Variants in MICU3 observed in about 807,000 individuals in gnomAD.
MICU3 encodes the protein mitochondrial calcium uptake 3, also known as calcium uptake protein 3, mitochondrial.
In MICU3, 62 loss-of-function variants were observed where a neutral mutation model predicts 66.5. The ratio of observed to expected loss-of-function variants is 0.93; its 90% CI spans 0.76 to 1.15. The LOEUF (loss-of-function observed/expected upper bound fraction) is 1.15. Ranked by LOEUF, MICU3 falls within the 50% of genes most tolerant of loss-of-function variation. The probability of loss-of-function intolerance (pLI) is 0.00; values close to 1 mark genes in which losing one functional copy is unlikely to be tolerated. For missense variants in MICU3, 779 were observed against 664.4 expected, an observed-to-expected ratio of 1.17 and a Z score of -1.90; for synonymous variants, 308 against 240.7, an observed-to-expected ratio of 1.28 and a Z score of -2.59.
At chr8:17,127,341 T>A (rs188108314), downstream of MICU3, among the ~76,000 whole-genome samples, 59 of 152,316 alleles carry the variant, frequency 3.9e-4, no homozygotes, top group Middle Eastern at 6.8e-3. Context: ...AAGAATCTTT[T>A]GAAATCAGAT....
chr8:17,033,477 C>CCA (rs1812431882), intron 1 of MICU3, among the ~76,000 whole-genome samples: 2 of 152,016 alleles, frequency 1.3e-5, no homozygotes, highest in South Asian at 4.2e-4. Flanking sequence ...GCTCTGTCGC[C>CCA]CAGGCTGGAG....
At chr8:17,046,463 T>C (rs1815110133) in intron 1 of MICU3, among the ~76,000 whole-genome samples, 1 of 152,220 alleles carries the variant, frequency 6.6e-6, no homozygotes. Context: ...ATTTTGGTTT[T>C]GGTAATATAG....
intron 3 of MICU3, among the ~76,000 whole-genome samples, chr8:17,076,527 C>A (rs1820413098): frequency 6.6e-6 from 1 of 152,064 alleles, no homozygotes; most frequent in African/African-American, 2.4e-5. Context: ...ATGAAAAACA[C>A]AAACACAAGA....
At chr8:17,130,296 G>A in the MICU3 span, among the ~76,000 whole-genome samples, 42,968 of 152,004 alleles carry the variant, frequency 0.28, 6,587 homozygotes, top group South Asian at 0.43. Flanking sequence ...GGACTGAGGC[G>A]GTGGGTCGCC....
At chr8:17,084,676 A>G (rs1351720516) in intron 5 of MICU3, among the ~76,000 whole-genome samples, 1 of 152,124 alleles carries the variant, frequency 6.6e-6, no homozygotes, top group Non-Finnish European at 1.5e-5. Flanking sequence ...ACTTCATAGT[A>G]TGTGAAAGTC....
At position 17,063,745 on chromosome 8, in the gene MICU3, G is replaced by A. The variant is rs201948463; in HGVS notation, c.382-339G>A. ...AGTACATAGTAGGCATTCAGCAAGC[G>A]CTGGTGTTCCTTCTAAAAGTACCAC... is the stretch of plus-strand genomic sequence containing the variant. On this transcript the variant is annotated intron_variant, in intron 1 of 14. Transcript: ENST00000318063. Among the ~76,000 whole-genome samples, 44 of 152,128 alleles carry A rather than the reference G, an allele frequency of 2.9e-4. No individual in the cohort carries two copies. In the East Asian group the frequency reaches 7.3e-3, roughly 25 times the overall value.
At chr8:17,067,561 C>G (rs1818911767) in intron 2 of MICU3, among the ~76,000 whole-genome samples, 1 of 152,036 alleles carries the variant, frequency 6.6e-6, no homozygotes, top group Admixed American at 6.6e-5. Flanking sequence ...TCCTGAATAG[C>G]TGGGATTACG....
In MICU3 at chr8:17,082,010, C is replaced by G. The variant is rs112713533; in HGVS notation, c.694+270C>G. On this transcript the variant is annotated intron_variant, in intron 5 of 14. Transcript: ENST00000318063. ...TGTGGTTTTAATCTACCTCAGACTC[C>G]AAAGGTCATGACATGTAATAATTTA... 1,087 of 272,130 alleles carry G rather than the reference C, an allele frequency of 4.0e-3. 15 individuals carry two copies. Among genetic ancestry groups the G allele is most frequent in the African/African-American group, 0.023 (1,004 of 43,314 alleles). The allele number at this position is 272,130 out of a possible 1,614,324, so 16.9% of individuals were successfully genotyped here. A position where few individuals can be genotyped will look rare whatever the true frequency, so the allele number is the denominator to read the frequency against.
In MICU3 at chr8:17,105,727, C is replaced by T. The variant is rs575649053; in HGVS notation, c.1257+143C>T. Reference sequence around the variant, plus strand: ...TGTTTCATTCTGTGTCCTAAATGCTCTGGCTACACTTTTAAAAATAAATTA... The same window carrying T: ...TGTTTCATTCTGTGTCCTAAATGCTTTGGCTACACTTTTAAAAATAAATTA... On this transcript the variant is annotated intron_variant, in intron 11 of 14. Transcript: ENST00000318063. The T allele has an allele frequency of 2.5e-5, 11 of 436,514 alleles. 1 individual carries two copies. The South Asian group carries it at 7.5e-4, about 30-fold the overall frequency. The allele number at this position is 436,514 out of a possible 1,614,324, so 27.0% of individuals were successfully genotyped here. A position where few individuals can be genotyped will look rare whatever the true frequency, so the allele number is the denominator to read the frequency against.
intron 1 of MICU3, among the ~76,000 whole-genome samples, chr8:17,046,024 A>G (rs1488217465): frequency 1.3e-5 from 2 of 152,218 alleles, no homozygotes; most frequent in Non-Finnish European, 2.9e-5. Context: ...CTTCATCTGT[A>G]TGCTTTGCAG....
chr8:17,095,209 C>G (rs1221923143), intron 8 of MICU3, among the ~76,000 whole-genome samples: 1 of 151,956 alleles, frequency 6.6e-6, no homozygotes, highest in African/African-American at 2.4e-5. Flanking sequence ...TCTGCTGGCT[C>G]TCACTTAGGG....
intron 2 of MICU3, among the ~76,000 whole-genome samples, chr8:17,066,390 A>ACGATAGG (rs1818683751): frequency 6.6e-6 from 1 of 151,566 alleles, no homozygotes; most frequent in South Asian, 2.1e-4. Context: ...TACCTGGCAC[A>ACGATAGG]TGATAGGTAC....
intron 6 of MICU3, 31 bp downstream of exon 6, chr8:17,085,349 T>TA: frequency 7.7e-7 from 1 of 1,299,418 alleles, no homozygotes; most frequent in African/African-American, 1.5e-5. Flanking sequence ...ACTTTATCAA[T>TA]AATTAAATAT....
the MICU3 span, among the ~76,000 whole-genome samples, chr8:17,129,358 T>C: frequency 6.6e-6 from 1 of 152,128 alleles, no homozygotes; most frequent in South Asian, 2.1e-4. Flanking sequence ...AATTAGCAGA[T>C]AAAAACTTTA....
chr8:17,077,943 A>G lies in MICU3; in HGVS notation c.646+82A>G, dbSNP rs1029147043. On this transcript the variant is annotated intron_variant, in intron 4 of 14. Transcript: ENST00000318063. Reference sequence around the variant, plus strand: ...ATATGCATATTTTCCCATACCTAAAATAATTTTTAAATTACATCTATGTGT... The same window carrying G: ...ATATGCATATTTTCCCATACCTAAAGTAATTTTTAAATTACATCTATGTGT... The G allele has an allele frequency of 7.3e-6, 6 of 826,142 alleles. No individual in the cohort carries two copies. The African/African-American group carries it at 8.8e-5, about 12-fold the overall frequency. The allele number at this position is 826,142 out of a possible 1,614,324, so 51.2% of individuals were successfully genotyped here. A position where few individuals can be genotyped will look rare whatever the true frequency, so the allele number is the denominator to read the frequency against.
At chr8:17,123,758 A>AAAAAAG (rs1441081784), downstream of MICU3, among the ~76,000 whole-genome samples, 1 of 152,070 alleles carries the variant, frequency 6.6e-6, no homozygotes, top group East Asian at 1.9e-4. Flanking sequence ...ATAATAACTG[A>AAAAAAG]AAAAAGTAGG....
chr8:17,069,761 T>C, intron 3 of MICU3, 42 bp downstream of exon 3: 1 of 838,682 alleles, frequency 1.2e-6, no homozygotes, highest in Non-Finnish European at 1.8e-6. Context: ...ATTTTATATG[T>C]GCATGCATAT....
chr8:17,048,224 A>G (rs571217612), intron 1 of MICU3, among the ~76,000 whole-genome samples: 3 of 152,346 alleles, frequency 2.0e-5, no homozygotes, highest in East Asian at 3.8e-4. Flanking sequence ...ATAAAATAAA[A>G]AGAAGTCCTG....
intron 14 of MICU3, 115 bp from the exon 15 acceptor site, chr8:17,120,173 G>C (rs1193002320): frequency 6.6e-6 from 1 of 151,342 alleles, no homozygotes; most frequent in African/African-American, 2.4e-5. Flanking sequence ...TTTTATGTGG[G>C]GTGTTTTTAT....
Sources: allele counts gnomAD v4.1 joint callset (sites outside exome capture counted in the v4.1 genomes callset), GRCh38; gene constraint gnomAD v4.1.1; transcripts MANE v1.5; gene names NCBI Gene and HGNC (gene_info 2026-07-23, HGNC 2026-07-21).